Variants in RIOK2 observed in about 807,000 individuals in gnomAD.
RIOK2 encodes the protein serine/threonine-protein kinase RIO2.
A neutral mutation model predicts 62.4 loss-of-function variants in RIOK2; 46 were observed. The observed-to-expected ratio is 0.74, with a 90% CI of 0.58 to 0.94. The LOEUF (loss-of-function observed/expected upper bound fraction) is 0.94. RIOK2 is among the 40% of genes least tolerant of loss of function. The pLI, the probability that RIOK2 is intolerant of heterozygous loss-of-function variation, is 0.00. For synonymous variants in RIOK2, 197 were observed against 216.0 expected (o/e 0.91, Z 0.77); for missense variants, 574 against 658.0 (o/e 0.87, Z 1.40).
At chr5:97,182,681 G>C in intron 1 of RIOK2, 1 of 221,568 alleles carries the variant, frequency 4.5e-6, no homozygotes, top group Non-Finnish European at 9.1e-6. Flanking sequence ...TCCTAATGTT[G>C]CTACTAAAAA....
At chr5:97,178,845 T>C in intron 2 of RIOK2, 2 of 611,686 alleles carry the variant, frequency 3.3e-6, no homozygotes, top group Non-Finnish European at 2.9e-6. Context: ...AGTACCTACA[T>C]GTTCTTACTA....
In RIOK2 at chr5:97,168,745, A is replaced by G. The variant is rs750102553; in HGVS notation, c.872+15T>C. 6.9e-7 allele frequency: 1 copy of G among 1,452,458 alleles called. No individual in the cohort carries two copies. Among genetic ancestry groups the G allele is most frequent in the African/African-American group, 1.4e-5 (1 of 70,356 alleles). The allele number at this position is 1,452,458 out of a possible 1,614,324, so 90.0% of individuals were successfully genotyped here. ...TTAAACTGTTCTATTATGTAAAGCAATGGGGAGTACAAACCTGATATCCTT... is the reference window on the plus strand; with the variant it reads ...TTAAACTGTTCTATTATGTAAAGCAGTGGGGAGTACAAACCTGATATCCTT... On this transcript the variant is annotated intron_variant, in intron 7 of 9. Transcript: ENST00000283109.
rs777960469 is a variant in RIOK2, at chr5:97,177,832, C to A, written c.222G>T (p.Arg74=). 6.2e-7 allele frequency: 1 copy of A among 1,612,286 alleles called. No homozygotes were observed. The highest frequency in any genetic ancestry group is 1.1e-5 in the South Asian group (1 of 90,916). Residue 74 remains arginine (R), a synonymous_variant, in exon 3 of 10, where the codon CGG becomes CGT. Transcript: ENST00000283109. The part of the protein sequence containing the change: ...WERTKTVQGY[R]LTNAGYDYLA... ...GGTAATCATATCCTGCATTTGTCAA[C>A]CGATAGCCCTGGACAGCTAGACAAA...
At chr5:97,168,013 C>A in intron 7 of RIOK2, 22 bp from the exon 8 acceptor site, 2 of 1,549,466 alleles carry the variant, frequency 1.3e-6, no homozygotes, top group Non-Finnish European at 8.6e-7. Flanking sequence ...AGGCGTCAAG[C>A]ATAGAAAGAG....
intron 2 of RIOK2, chr5:97,178,849 C>G (rs114338000): frequency 3.2e-6 from 2 of 623,352 alleles, no homozygotes; most frequent in Non-Finnish European, 5.6e-6. Context: ...CCTACATGTT[C>G]TTACTACTAT....
intron 6 of RIOK2, 118 bp downstream of exon 6, chr5:97,171,088 G>C (rs1748993774): frequency 1.7e-6 from 1 of 594,074 alleles, no homozygotes; most frequent in Non-Finnish European, 2.6e-6. Flanking sequence ...TTGAACCCGG[G>C]AGGTGGAAGT....
intron 6 of RIOK2, among the ~76,000 whole-genome samples, chr5:97,170,991 TAA>T (rs34970461): frequency 1.7e-4 from 25 of 149,156 alleles, no homozygotes; most frequent in South Asian, 6.4e-4. Context: ...CCATCTCTAC[TAA>T]AAAAAAAAAT....
At chr5:97,163,661 T>A (rs1748764274) in intron 9 of RIOK2, among the ~76,000 whole-genome samples, 1 of 152,144 alleles carries the variant, frequency 6.6e-6, no homozygotes, top group Non-Finnish European at 1.5e-5. Context: ...CATGGAAAAG[T>A]CTTCATATGT....
chr5:97,177,327 C>G (rs961170018), intron 3 of RIOK2, 36 bp from the exon 4 acceptor site: 1 of 1,521,252 alleles, frequency 6.6e-7, no homozygotes, highest in Non-Finnish European at 9.0e-7. Flanking sequence ...CATTATTACA[C>G]GTTTATTCCA....
At chr5:97,180,633 A>G (rs887607725) in intron 1 of RIOK2, among the ~76,000 whole-genome samples, 3 of 152,220 alleles carry the variant, frequency 2.0e-5, no homozygotes, top group African/African-American at 7.2e-5. Context: ...TTTTAAGGAC[A>G]TTAATGTACC....
chr5:97,181,487 T>C (rs956849612), intron 1 of RIOK2, among the ~76,000 whole-genome samples: 1 of 152,076 alleles, frequency 6.6e-6, no homozygotes, highest in African/African-American at 2.4e-5. Context: ...TAAGGGCAGC[T>C]AGTCAAACAA....
intron 1 of RIOK2, among the ~76,000 whole-genome samples, chr5:97,179,598 G>A (rs1749279592): frequency 1.3e-5 from 2 of 151,936 alleles, no homozygotes; most frequent in African/African-American, 2.4e-5. Flanking sequence ...TAAAGAAAAT[G>A]TGGCACATAT....
chr5:97,172,030 GGT>G (rs761969843), intron 5 of RIOK2, among the ~76,000 whole-genome samples: 1 of 152,040 alleles, frequency 6.6e-6, no homozygotes, highest in Non-Finnish European at 1.5e-5. Context: ...ATTCTCTCCA[GGT>G]GTTCTTCCTT....
intron 1 of RIOK2, among the ~76,000 whole-genome samples, chr5:97,180,886 TA>T (rs1293625504): frequency 1.2e-4 from 18 of 152,164 alleles, no homozygotes; most frequent in African/African-American, 3.4e-4. Context: ...AAGATTTTAT[TA>T]TTTTTTTTTT....
chr5:97,163,017 T>C lies in RIOK2; in HGVS notation c.*44A>G. 1 of 1,498,370 alleles carries C rather than the reference T, an allele frequency of 6.7e-7. No homozygotes were observed. Among genetic ancestry groups the C allele is most frequent in the Non-Finnish European group, 9.0e-7 (1 of 1,106,442 alleles). The allele number at this position is 1,498,370 out of a possible 1,614,324, so 92.8% of individuals were successfully genotyped here. On this transcript the variant is annotated 3_prime_UTR_variant, in exon 10 of 10. Transcript: ENST00000283109. ...ATGAGGGCTCAAAAAGGAATTACAG[T>C]AACTTTAAAAAATATATTAAACATA...
At chr5:97,182,719 A>T in intron 1 of RIOK2, 1 of 233,850 alleles carries the variant, frequency 4.3e-6, no homozygotes, top group South Asian at 5.6e-5. Flanking sequence ...GACTGAATGA[A>T]TCAGAAAGAC....
At chr5:97,169,553 G>A (rs1182125433) in intron 6 of RIOK2, among the ~76,000 whole-genome samples, 4 of 152,162 alleles carry the variant, frequency 2.6e-5, no homozygotes, top group African/African-American at 9.7e-5. Context: ...AGGATAATGT[G>A]CAATTGACTC....
chr5:97,162,994 G>T lies in RIOK2; in HGVS notation c.*67C>A. ...TAGCCTTGGCTCAAAAAAGACAAAT[G>T]AGGGCTCAAAAAGGAATTACAGTAA... is the stretch of plus-strand genomic sequence containing the variant. On this transcript the variant is annotated 3_prime_UTR_variant, in exon 10 of 10. Transcript: ENST00000283109. The T allele has an allele frequency of 7.5e-7, 1 of 1,325,868 alleles. No individual in the cohort carries two copies. Among genetic ancestry groups the T allele is most frequent in the South Asian group, 1.4e-5 (1 of 73,296 alleles). The allele number at this position is 1,325,868 out of a possible 1,614,324, so 82.1% of individuals were successfully genotyped here.
chr5:97,183,090 A>G, intron 1 of RIOK2, 36 bp downstream of exon 1: 1 of 1,609,298 alleles, frequency 6.2e-7, no homozygotes, highest in Non-Finnish European at 8.5e-7. Flanking sequence ...ACACAGTGTT[A>G]AGGGGAAGGG....
Sources: gnomAD v4.1 joint callset for allele counts (sites outside exome capture counted in the v4.1 genomes callset) on GRCh38, gnomAD v4.1.1 for gene constraint, MANE v1.5 for transcripts, NCBI Gene and HGNC (gene_info 2026-07-23, HGNC 2026-07-21) for gene names.